SYT16: variants seen among roughly 807,000 people sequenced by gnomAD.
SYT16 encodes the protein synaptotagmin 16, also known as synaptotagmin-16.
SYT16 carries 42 observed loss-of-function variants against 61.4 expected under a neutral mutation model. That is an observed-to-expected ratio of 0.68 (90% CI 0.53 to 0.89). SYT16 has a LOEUF of 0.89. Ranked by LOEUF, SYT16 falls within the 40% of genes least tolerant of loss-of-function variation. The pLI is 0.00. For synonymous variants in SYT16, 314 were observed against 302.3 expected, an observed-to-expected ratio of 1.04 and a Z score of -0.40; for missense variants, 804 against 807.3, an observed-to-expected ratio of 1.00 and a Z score of 0.05.
At chr14:61,854,073 T>C (rs987054523) in intron 1 of SYT16, among the ~76,000 whole-genome samples, 1 of 152,150 alleles carries the variant, frequency 6.6e-6, no homozygotes, top group Non-Finnish European at 1.5e-5. Flanking sequence ...ATATATTAGG[T>C]TGATACACAC....
chr14:61,950,138 C>T (rs1302236667), intron 1 of SYT16, among the ~76,000 whole-genome samples: 2 of 152,180 alleles, frequency 1.3e-5, no homozygotes, highest in Non-Finnish European at 2.9e-5. Flanking sequence ...ATATCCACAT[C>T]CCCACTGGGA....
At chr14:62,016,050 G>A (rs1428474013) in intron 3 of SYT16, among the ~76,000 whole-genome samples, 3 of 152,170 alleles carry the variant, frequency 2.0e-5, no homozygotes, top group Non-Finnish European at 4.4e-5. Flanking sequence ...GAACAGCTGT[G>A]AATGGGTCTG....
intron 1 of SYT16, among the ~76,000 whole-genome samples, chr14:61,920,216 G>C (rs1352235577): frequency 6.6e-6 from 1 of 152,014 alleles, no homozygotes; most frequent in African/African-American, 2.4e-5. Flanking sequence ...TTCCCTTCTT[G>C]ACCTGAATTC....
intron 1 of SYT16, among the ~76,000 whole-genome samples, chr14:61,925,598 T>C (rs934138690): frequency 6.6e-6 from 1 of 152,220 alleles, no homozygotes; most frequent in Admixed American, 6.5e-5. Context: ...TTTTTAGAAA[T>C]GCATACACAG....
intron 2 of SYT16, among the ~76,000 whole-genome samples, chr14:61,975,970 C>T (rs971101881): frequency 6.6e-6 from 1 of 152,206 alleles, no homozygotes; most frequent in Non-Finnish European, 1.5e-5. Context: ...CCTGTAAAAT[C>T]AAAAGCAAGT....
intron 1 of SYT16, chr14:61,865,155 T>G (rs975516893): frequency 8.1e-7 from 1 of 1,231,872 alleles, no homozygotes; most frequent in African/African-American, 1.5e-5. Context: ...TGCCGCTCCC[T>G]GCAGTTACTG....
chr14:61,996,142 C>T lies in SYT16; in HGVS notation c.123C>T (p.Asn41=), dbSNP rs1410966417. 27 of 1,613,354 alleles carry T rather than the reference C, an allele frequency of 1.7e-5. No homozygotes were observed. The highest frequency in any genetic ancestry group is 2.3e-5 in the Non-Finnish European group (27 of 1,179,536). The change falls in exon 3 of 8, where the codon AAC becomes AAT. Residue 41 remains asparagine, a synonymous_variant. Transcript: ENST00000683842. ...ATATGTTATCTGCTTCGCTGGTTAACATAAGCAAACAAGACTCTAAATTGA... is the reference window on the plus strand; with the variant it reads ...ATATGTTATCTGCTTCGCTGGTTAATATAAGCAAACAAGACTCTAAATTGA... ...AGDMLSASLV[N]ISKQDSKLSD...
intron 1 of SYT16, among the ~76,000 whole-genome samples, chr14:61,813,774 T>C (rs2045342366): frequency 6.7e-6 from 1 of 148,858 alleles, no homozygotes; most frequent in Non-Finnish European, 1.5e-5. Flanking sequence ...AATCAAATGG[T>C]GTGCTGGCTA....
chr14:61,934,492 A>G (rs951380921), intron 1 of SYT16, among the ~76,000 whole-genome samples: 4 of 152,216 alleles, frequency 2.6e-5, no homozygotes, highest in Non-Finnish European at 5.9e-5. Flanking sequence ...ATGCAAAGGA[A>G]ACTCTGGGAA....
At chr14:62,005,883 C>T (rs2140676275) in intron 3 of SYT16, among the ~76,000 whole-genome samples, 1 of 152,146 alleles carries the variant, frequency 6.6e-6, no homozygotes, top group South Asian at 2.1e-4. Flanking sequence ...TTTTTAATGC[C>T]CTGGCTCTGT....
At chr14:61,841,838 G>T (rs1437947963) in intron 1 of SYT16, among the ~76,000 whole-genome samples, 2 of 152,016 alleles carry the variant, frequency 1.3e-5, no homozygotes, top group Non-Finnish European at 2.9e-5. Context: ...TTGCTGCAAA[G>T]GACATGATTT....
chr14:62,084,366 C>G lies in SYT16; in HGVS notation c.1605C>G (p.Leu535=). ...EMIKGSHFRN[L]AVNRAPDTYG... ...TCAAAGGCAGCCATTTCCGAAACCT[C>G]GCTGTTAACCGAGCACCTGGTAAGT... Residue 535 remains leucine, a synonymous_variant, in exon 7 of 8, where the codon CTC becomes CTG. Transcript: ENST00000683842. 2 of 1,612,244 alleles carry G rather than the reference C, an allele frequency of 1.2e-6. No individual in the cohort carries two copies. The highest frequency in any genetic ancestry group is 1.7e-6 in the Non-Finnish European group (2 of 1,179,684).
chr14:62,062,595 C>A (rs945992829), intron 3 of SYT16, among the ~76,000 whole-genome samples: 1 of 152,114 alleles, frequency 6.6e-6, no homozygotes, highest in African/African-American at 2.4e-5. Context: ...TTGTTTGAGT[C>A]CGGGAATGGC....
chr14:61,965,002 A>G (rs1252933930), intron 1 of SYT16, among the ~76,000 whole-genome samples: 3 of 152,136 alleles, frequency 2.0e-5, no homozygotes, highest in Non-Finnish European at 4.4e-5. Context: ...TAGTGTAAAC[A>G]TAACTTTTAT....
At chr14:61,847,356 C>G (rs545149934) in intron 1 of SYT16, among the ~76,000 whole-genome samples, 1 of 152,104 alleles carries the variant, frequency 6.6e-6, no homozygotes, top group Non-Finnish European at 1.5e-5. Context: ...TTCCCCAGCA[C>G]TTTAAATATG....
chr14:61,882,364 A>G (rs1401304164), intron 1 of SYT16, among the ~76,000 whole-genome samples: 5 of 152,210 alleles, frequency 3.3e-5, no homozygotes, highest in Non-Finnish European at 1.5e-5. Flanking sequence ...GAAATACCCA[A>G]GACTTCTTCA....
intron 1 of SYT16, among the ~76,000 whole-genome samples, chr14:61,915,721 G>A (rs898912642): frequency 1.3e-5 from 2 of 152,210 alleles, no homozygotes; most frequent in Non-Finnish European, 2.9e-5. Context: ...AATTGCTCCT[G>A]TGTGTTGGCG....
At chr14:62,026,197 A>C (rs778642643) in intron 3 of SYT16, among the ~76,000 whole-genome samples, 1 of 152,190 alleles carries the variant, frequency 6.6e-6, no homozygotes, top group Non-Finnish European at 1.5e-5. Context: ...GATCACAATG[A>C]GTGGGGGGAA....
At chr14:61,840,230 C>A (rs941215848) in intron 1 of SYT16, among the ~76,000 whole-genome samples, 2 of 152,040 alleles carry the variant, frequency 1.3e-5, no homozygotes, top group African/African-American at 4.8e-5. Context: ...CATTTGGGGG[C>A]ACATTTAAGA....
Sources: gnomAD v4.1 joint callset for allele counts (sites outside exome capture counted in the v4.1 genomes callset) on GRCh38, gnomAD v4.1.1 for gene constraint, MANE v1.5 for transcripts, NCBI Gene and HGNC (gene_info 2026-07-23, HGNC 2026-07-21) for gene names.